RBFOX1: variants seen among roughly 807,000 people sequenced by gnomAD.
The protein encoded by RBFOX1 is RNA binding protein fox-1 homolog 1.
Under a neutral mutation model 57.7 loss-of-function variants are expected in RBFOX1, and 8 were observed. The ratio of observed to expected loss-of-function variants is 0.14; its 90% CI spans 0.08 to 0.25. RBFOX1 has a LOEUF of 0.25. Ranked by LOEUF, RBFOX1 falls within the 10% of genes least tolerant of loss-of-function variation. The pLI is 1.00. For synonymous variants in RBFOX1, 326 were observed against 222.4 expected (o/e 1.47, Z -4.15); for missense variants, 611 against 548.5 (o/e 1.11, Z -1.14).
At chr16:6,837,284 G>C (rs1018403368) in intron 3 of RBFOX1, among the ~76,000 whole-genome samples, 1 of 152,262 alleles carries the variant, frequency 6.6e-6, no homozygotes, top group Admixed American at 6.5e-5. Context: ...TCTGTTCCAC[G>C]AGGTGGCTCA....
chr16:5,404,898 C>T lies in RBFOX1; in HGVS notation c.220-62318C>T, dbSNP rs998772645. 5.3e-5 allele frequency among the ~76,000 whole-genome samples: 8 copies of T among 152,340 alleles called. No homozygotes were observed. In the South Asian group the frequency reaches 1.7e-3, roughly 32 times the overall value. Reference sequence around the variant, plus strand: ...GGAAAAGAAAGCTTTCCAGCTTGGTCTTCAGGATCAGTAAAGAGTTCATTC... The same window carrying T: ...GGAAAAGAAAGCTTTCCAGCTTGGTTTTCAGGATCAGTAAAGAGTTCATTC... On this transcript the variant is annotated intron_variant, in intron 1 of 2. Transcript: ENST00000585867.
chr16:5,976,110 A>G (rs1050120286), intron 4 of RBFOX1, among the ~76,000 whole-genome samples: 3 of 152,084 alleles, frequency 2.0e-5, no homozygotes, highest in African/African-American at 7.2e-5. Flanking sequence ...TCTAGACTGC[A>G]CTCTAGACTG....
At chr16:5,989,939 G>A (rs931325615) in intron 4 of RBFOX1, among the ~76,000 whole-genome samples, 7 of 150,596 alleles carry the variant, frequency 4.6e-5, no homozygotes, top group Non-Finnish European at 8.8e-5. Flanking sequence ...AAATCCAGAG[G>A]AAGCCAGTGA....
intron 3 of RBFOX1, among the ~76,000 whole-genome samples, chr16:6,923,713 C>A (rs1221777382): frequency 1.3e-5 from 2 of 152,006 alleles, no homozygotes; most frequent in Admixed American, 1.3e-4. Context: ...GCCTTTAAAG[C>A]AGTAGAAGGC....
chr16:5,872,625 A>G (rs562475528), intron 4 of RBFOX1, among the ~76,000 whole-genome samples: 26 of 151,912 alleles, frequency 1.7e-4, no homozygotes, highest in African/African-American at 4.6e-4. Context: ...AGTCCCAGCT[A>G]CTCAGGAGGC....
chr16:5,903,815 T>C (rs2152188236), intron 4 of RBFOX1, among the ~76,000 whole-genome samples: 1 of 152,228 alleles, frequency 6.6e-6, no homozygotes, highest in South Asian at 2.1e-4. Flanking sequence ...TCCCCCTGAA[T>C]TGACCAGTTT....
chr16:5,917,079 C>T (rs891215840), intron 4 of RBFOX1, among the ~76,000 whole-genome samples: 1 of 152,084 alleles, frequency 6.6e-6, no homozygotes, highest in Non-Finnish European at 1.5e-5. Context: ...GGCGTGGCCC[C>T]ACTTGAACCT....
At chr16:5,433,456 C>T (rs1176524199) in intron 1 of RBFOX1, among the ~76,000 whole-genome samples, 1 of 152,144 alleles carries the variant, frequency 6.6e-6, no homozygotes, top group African/African-American at 2.4e-5. Context: ...GATTCCAACC[C>T]TAGCCTGAAA....
chr16:6,487,343 T>G (rs2153113700), intron 2 of RBFOX1, among the ~76,000 whole-genome samples: 1 of 152,254 alleles, frequency 6.6e-6, no homozygotes, highest in East Asian at 1.9e-4. Flanking sequence ...TTTCAAAGTG[T>G]TCTTTCTGTT....
chr16:5,504,374 C>T (rs911631131), intron 2 of RBFOX1, among the ~76,000 whole-genome samples: 1 of 152,232 alleles, frequency 6.6e-6, no homozygotes, highest in African/African-American at 2.4e-5. Flanking sequence ...CTGGCCCAGG[C>T]TCCTGGATAA....
intron 5 of RBFOX1, among the ~76,000 whole-genome samples, chr16:7,526,859 G>A (rs1489639448): frequency 1.3e-5 from 2 of 152,202 alleles, no homozygotes; most frequent in Non-Finnish European, 2.9e-5. Flanking sequence ...TGAGAAGCAG[G>A]AGTCAGAGCT....
At chr16:5,516,617 G>C (rs141952633) in intron 2 of RBFOX1, among the ~76,000 whole-genome samples, 1 of 152,150 alleles carries the variant, frequency 6.6e-6, no homozygotes, top group East Asian at 1.9e-4. Flanking sequence ...TCCTGATTTG[G>C]TTTTGTGGTA....
In RBFOX1 at chr16:6,578,037, A is replaced by G. The variant is rs144732247; in HGVS notation, c.-63-76566A>G. Reference sequence around the variant, plus strand: ...ACAGTGCTTATTTCATTGAAGAGCCATTTCTAAAATTACTTTTCTGTGTTA... The same window carrying G: ...ACAGTGCTTATTTCATTGAAGAGCCGTTTCTAAAATTACTTTTCTGTGTTA... On this transcript the variant is annotated intron_variant, in intron 2 of 15. Coordinates refer to ENST00000550418, the MANE Select transcript of RBFOX1 (RefSeq NM_018723.4). Among the ~76,000 whole-genome samples, 211 of 152,252 alleles carry G rather than the reference A, an allele frequency of 1.4e-3. 3 individuals are homozygous for G. The East Asian group carries it at 0.031, about 23-fold the overall frequency.
At chr16:6,817,181 A>G (rs1461035508) in intron 3 of RBFOX1, among the ~76,000 whole-genome samples, 1 of 152,176 alleles carries the variant, frequency 6.6e-6, no homozygotes, top group Non-Finnish European at 1.5e-5. Flanking sequence ...TGGACCTGTT[A>G]TACATCACTG....
chr16:6,469,247 C>G (rs1465394213), intron 2 of RBFOX1, among the ~76,000 whole-genome samples: 1 of 152,138 alleles, frequency 6.6e-6, no homozygotes. Flanking sequence ...TGTAATGCTG[C>G]CAAACCTAAT....
intron 2 of RBFOX1, among the ~76,000 whole-genome samples, chr16:6,367,972 A>G (rs2089904839): frequency 6.6e-6 from 1 of 152,182 alleles, no homozygotes; most frequent in Non-Finnish European, 1.5e-5. Context: ...TATGGCAGGT[A>G]GAAGTAGCAC....
intron 3 of RBFOX1, among the ~76,000 whole-genome samples, chr16:5,638,534 C>A (rs1181418432): frequency 1.3e-5 from 2 of 152,176 alleles, no homozygotes; most frequent in African/African-American, 4.8e-5. Context: ...CCCCAACAAA[C>A]ACAGTGGCAT....
chr16:5,647,823 C>T (rs1305039315), intron 3 of RBFOX1, among the ~76,000 whole-genome samples: 1 of 152,158 alleles, frequency 6.6e-6, no homozygotes, highest in Non-Finnish European at 1.5e-5. Flanking sequence ...CTTCCCAACA[C>T]AGGAAGATTG....
At chr16:7,539,770 T>C (rs2152454806) in intron 5 of RBFOX1, among the ~76,000 whole-genome samples, 1 of 152,272 alleles carries the variant, frequency 6.6e-6, no homozygotes, top group South Asian at 2.1e-4. Context: ...CCCAGTGAAC[T>C]TCAGATGAGG....
Sources: allele counts gnomAD v4.1 joint callset (sites outside exome capture counted in the v4.1 genomes callset), GRCh38; gene constraint gnomAD v4.1.1; transcripts MANE v1.5; gene names NCBI Gene and HGNC (gene_info 2026-07-23, HGNC 2026-07-21).